Variants in CACNA2D1 observed in about 807,000 individuals in gnomAD.
The protein encoded by CACNA2D1 is calcium voltage-gated channel auxiliary subunit alpha2delta 1, also known as voltage-dependent calcium channel subunit alpha-2/delta-1.
In CACNA2D1, 53 loss-of-function variants were observed where a neutral mutation model predicts 171.5. The ratio of observed to expected loss-of-function variants is 0.31; its 90% CI spans 0.25 to 0.39. The LOEUF (loss-of-function observed/expected upper bound fraction) is 0.39. Among genes scored for constraint, CACNA2D1 ranks in the 10% least tolerant of loss-of-function variants. The probability of loss-of-function intolerance (pLI) is 1.00; values close to 1 mark genes in which losing one functional copy is unlikely to be tolerated. For synonymous variants in CACNA2D1, 442 were observed against 443.1 expected (o/e 1.00, Z 0.03); for missense variants, 903 against 1,299.8 (o/e 0.69, Z 4.69).
At chr7:82,048,538 C>T (rs1021990179) in intron 10 of CACNA2D1, among the ~76,000 whole-genome samples, 9 of 151,910 alleles carry the variant, frequency 5.9e-5, no homozygotes, top group Non-Finnish European at 1.0e-4. Flanking sequence ...ATATATACAT[C>T]GAAATTCTCA....
intron 3 of CACNA2D1, among the ~76,000 whole-genome samples, chr7:82,219,711 A>G (rs1363945798): frequency 6.6e-6 from 1 of 152,162 alleles, no homozygotes; most frequent in African/African-American, 2.4e-5. Flanking sequence ...AAATTTATAC[A>G]TGCTTAAACA....
intron 3 of CACNA2D1, among the ~76,000 whole-genome samples, chr7:82,291,509 G>A (rs1333583335): frequency 1.6e-5 from 2 of 122,956 alleles, no homozygotes; most frequent in African/African-American, 6.2e-5. Flanking sequence ...TATATAGATA[G>A]ATCTATATAT....
At chr7:82,285,997 T>C (rs1810711560) in intron 3 of CACNA2D1, among the ~76,000 whole-genome samples, 2 of 152,306 alleles carry the variant, frequency 1.3e-5, no homozygotes, top group South Asian at 4.1e-4. Context: ...GGCTATCCAA[T>C]GGCAATATTT....
At chr7:82,310,347 G>A (rs1333234322) in intron 3 of CACNA2D1, among the ~76,000 whole-genome samples, 2 of 151,880 alleles carry the variant, frequency 1.3e-5, no homozygotes, top group African/African-American at 4.8e-5. Flanking sequence ...TGTATTTGTT[G>A]AGAAAATAAT....
chr7:82,356,317 G>A (rs1238843026), intron 1 of CACNA2D1, among the ~76,000 whole-genome samples: 1 of 152,028 alleles, frequency 6.6e-6, no homozygotes, highest in African/African-American at 2.4e-5. Flanking sequence ...CATGCATGTT[G>A]ACTGTCCTTT....
intron 1 of CACNA2D1, among the ~76,000 whole-genome samples, chr7:82,360,039 G>A (rs905719304): frequency 1.3e-5 from 2 of 152,208 alleles, no homozygotes; most frequent in Non-Finnish European, 2.9e-5. Flanking sequence ...AAATTAGTAA[G>A]TGGCAGAGCA....
intron 6 of CACNA2D1, among the ~76,000 whole-genome samples, chr7:82,113,762 A>G (rs943463998): frequency 6.6e-6 from 1 of 152,216 alleles, no homozygotes; most frequent in Admixed American, 6.5e-5. Context: ...GAATACTGGT[A>G]ATTATTAAAT....
At chr7:81,961,114 C>A (rs1330438149) in intron 36 of CACNA2D1, among the ~76,000 whole-genome samples, 5 of 151,786 alleles carry the variant, frequency 3.3e-5, no homozygotes, top group Non-Finnish European at 7.4e-5. Flanking sequence ...GCTATGGTAA[C>A]ATTTCTTCTA....
At chr7:82,212,593 G>C (rs1177107395) in intron 3 of CACNA2D1, among the ~76,000 whole-genome samples, 1 of 152,200 alleles carries the variant, frequency 6.6e-6, no homozygotes, top group African/African-American at 2.4e-5. Context: ...GAGAATAGCA[G>C]AGTCAAGGTT....
intron 7 of CACNA2D1, among the ~76,000 whole-genome samples, chr7:82,068,804 G>C (rs566901092): frequency 6.6e-6 from 1 of 152,012 alleles, no homozygotes; most frequent in East Asian, 1.9e-4. Flanking sequence ...ATTGTTTACC[G>C]ATCACATTCA....
intron 1 of CACNA2D1, among the ~76,000 whole-genome samples, chr7:82,415,028 A>T (rs1352021293): frequency 6.6e-6 from 1 of 152,206 alleles, no homozygotes; most frequent in African/African-American, 2.4e-5. Context: ...TTTATTAAAC[A>T]AGTCTTTAAA....
At chr7:81,979,399 T>C (rs1366288875) in intron 24 of CACNA2D1, among the ~76,000 whole-genome samples, 10 of 152,210 alleles carry the variant, frequency 6.6e-5, no homozygotes, top group African/African-American at 2.2e-4. Flanking sequence ...AATTAGGAAT[T>C]AGAATTGAGA....
intron 26 of CACNA2D1, 196 bp from the exon 27 acceptor site, chr7:81,970,933 A>G: frequency 1.8e-6 from 1 of 563,876 alleles, no homozygotes; most frequent in Non-Finnish European, 3.2e-6. Flanking sequence ...TCTCATAGGA[A>G]ATAATGACTG....
intron 3 of CACNA2D1, among the ~76,000 whole-genome samples, chr7:82,193,371 G>C (rs2129190047): frequency 6.6e-6 from 1 of 151,992 alleles, no homozygotes; most frequent in Middle Eastern, 3.4e-3. Flanking sequence ...CGGGCAAACT[G>C]ACAAATATCT....
chr7:82,318,057 T>C (rs1815330008), intron 3 of CACNA2D1, among the ~76,000 whole-genome samples: 1 of 152,014 alleles, frequency 6.6e-6, no homozygotes, highest in Admixed American at 6.6e-5. Context: ...CATTTCTCAC[T>C]AGTTGTAATT....
At position 81,983,888 on chromosome 7, in the gene CACNA2D1, C is replaced by T. The variant is rs192471020; in HGVS notation, c.1874-554G>A. 3.2e-3 allele frequency among the ~76,000 whole-genome samples: 493 copies of T among 152,176 alleles called. 1 individual carries two copies. Among genetic ancestry groups the T allele is most frequent in the Non-Finnish European group, 5.8e-3 (396 of 67,978 alleles). The stretch of plus-strand genomic sequence containing the variant: ...AATATATACGTATATTTTTGGTATT[C>T]TTTTGTATTTTACTTCATCCTCACA... On this transcript the variant is annotated intron_variant, in intron 22 of 38. Transcript: ENST00000356860.
At chr7:82,431,797 T>TG (rs11417912) in intron 1 of CACNA2D1, among the ~76,000 whole-genome samples, 99,311 of 151,614 alleles carry the variant, frequency 0.66, 33,575 homozygotes, top group African/African-American at 0.82. Flanking sequence ...CCCAGCACTT[T>TG]GGAGGTTGAG....
intron 1 of CACNA2D1, among the ~76,000 whole-genome samples, chr7:82,409,372 T>TGA (rs1330006713): frequency 6.6e-6 from 1 of 152,164 alleles, no homozygotes; most frequent in Non-Finnish European, 1.5e-5. Flanking sequence ...CCCAATTTTT[T>TGA]AAAGGTCTAT....
intron 6 of CACNA2D1, among the ~76,000 whole-genome samples, chr7:82,112,831 A>G (rs1788613808): frequency 6.6e-6 from 1 of 152,196 alleles, no homozygotes; most frequent in Non-Finnish European, 1.5e-5. Context: ...TGCAATTTTG[A>G]CACTGATGTC....
Sources: allele counts gnomAD v4.1 joint callset (sites outside exome capture counted in the v4.1 genomes callset), GRCh38; gene constraint gnomAD v4.1.1; transcripts MANE v1.5; gene names NCBI Gene and HGNC (gene_info 2026-07-23, HGNC 2026-07-21).